The following NPAS3 variants were observed in gnomAD, a reference collection of about 807,000 sequenced individuals.
NPAS3 encodes the protein neuronal PAS domain-containing protein 3.
A neutral mutation model predicts 73.1 loss-of-function variants in NPAS3; 14 were observed. The ratio of observed to expected loss-of-function variants is 0.19; its 90% confidence interval spans 0.13 to 0.30. The LOEUF (loss-of-function observed/expected upper bound fraction) is 0.30, where lower values mean the gene tolerates loss of function less well. Among genes scored for constraint, NPAS3 ranks in the 10% least tolerant of loss-of-function variants. The probability of loss-of-function intolerance (pLI) is 1.00; values close to 1 mark genes in which losing one functional copy is unlikely to be tolerated. For missense variants in NPAS3, 1,096 were observed against 1,250.0 expected (o/e 0.88, Z 1.86); for synonymous variants, 620 against 541.5 (o/e 1.14, Z -2.01).
At chr14:32,981,665 C>T (rs2037901021) in intron 1 of NPAS3, among the ~76,000 whole-genome samples, 2 of 151,952 alleles carry the variant, frequency 1.3e-5, no homozygotes, top group African/African-American at 2.4e-5. Flanking sequence ...TTTGTCAAGC[C>T]GAAAAAGATT....
At chr14:33,126,562 C>T (rs1719217412) in intron 2 of NPAS3, among the ~76,000 whole-genome samples, 1 of 152,032 alleles carries the variant, frequency 6.6e-6, no homozygotes. Context: ...AAGGATTTCC[C>T]AGAGCAAGAG....
At chr14:33,550,705 C>A (rs2055070713) in intron 4 of NPAS3, among the ~76,000 whole-genome samples, 1 of 152,200 alleles carries the variant, frequency 6.6e-6, no homozygotes, top group Non-Finnish European at 1.5e-5. Context: ...ATCCACAGAT[C>A]ATTCAGGACC....
chr14:32,938,525 A>AGAGAGAGAGAGAGAGAGAGAGAGAGAGG (rs1566779564), upstream of NPAS3, among the ~76,000 whole-genome samples: 1 of 66,244 alleles, frequency 1.5e-5, no homozygotes, highest in African/African-American at 5.5e-5. Context: ...GAGAGAGAGA[A>AGAGAGAGAGAGAGAGAGAGAGAGAGAGG]GGGGGGGGAG....
At chr14:33,201,375 C>T (rs952455508) in intron 2 of NPAS3, among the ~76,000 whole-genome samples, 1 of 151,846 alleles carries the variant, frequency 6.6e-6, no homozygotes, top group Non-Finnish European at 1.5e-5. Context: ...TGCCCCATTG[C>T]CCCTGGTGGC....
intron 3 of NPAS3, among the ~76,000 whole-genome samples, chr14:33,284,619 G>C (rs746153159): frequency 1.6e-4 from 25 of 152,156 alleles, no homozygotes; most frequent in Non-Finnish European, 3.2e-4. Flanking sequence ...CCTTCAAAAT[G>C]ATTTTTTTTC....
chr14:33,409,343 T>G (rs1200530186), intron 4 of NPAS3, among the ~76,000 whole-genome samples: 2 of 152,182 alleles, frequency 1.3e-5, no homozygotes, highest in Non-Finnish European at 2.9e-5. Flanking sequence ...TGGTGGCCTT[T>G]ATACTGGAAA....
intron 2 of NPAS3, among the ~76,000 whole-genome samples, chr14:33,149,866 A>G (rs1324114116): frequency 1.3e-5 from 2 of 152,146 alleles, no homozygotes; most frequent in Non-Finnish European, 2.9e-5. Flanking sequence ...TACACATGCC[A>G]TGGTGGTGTG....
At chr14:32,966,148 G>C (rs1042824094) in intron 1 of NPAS3, among the ~76,000 whole-genome samples, 1 of 152,128 alleles carries the variant, frequency 6.6e-6, no homozygotes, top group African/African-American at 2.4e-5. Context: ...CAGAATCAGT[G>C]CAATACCTAT....
chr14:33,736,114 C>T (rs544712002), intron 7 of NPAS3, among the ~76,000 whole-genome samples: 9 of 152,300 alleles, frequency 5.9e-5, no homozygotes, highest in East Asian at 3.9e-4. Flanking sequence ...GGAGGGCAAA[C>T]GGAAATGGCA....
chr14:33,131,473 G>A (rs534681372), intron 2 of NPAS3, among the ~76,000 whole-genome samples: 14 of 80,478 alleles, frequency 1.7e-4, no homozygotes, highest in East Asian at 3.6e-4. Context: ...TTAACAAAAC[G>A]CCCAGCTGAG....
At chr14:32,972,916 A>G (rs968824887) in intron 1 of NPAS3, among the ~76,000 whole-genome samples, 10 of 152,210 alleles carry the variant, frequency 6.6e-5, no homozygotes, top group Admixed American at 5.9e-4. Flanking sequence ...CCGCTACTGT[A>G]CCTGAAATAC....
chr14:33,650,928 T>G (rs1275959069), intron 5 of NPAS3, among the ~76,000 whole-genome samples: 1 of 151,926 alleles, frequency 6.6e-6, no homozygotes, highest in East Asian at 1.9e-4. Flanking sequence ...CCATTGTAGG[T>G]CTGAGGATTC....
intron 4 of NPAS3, 111 bp downstream of exon 4, chr14:33,367,379 G>T: frequency 1.8e-6 from 1 of 549,196 alleles, no homozygotes; most frequent in South Asian, 2.9e-5. Flanking sequence ...TTTGACTGTT[G>T]TGATTTTATC....
chr14:33,383,205 G>C (rs2651168), intron 4 of NPAS3, among the ~76,000 whole-genome samples: 1 of 151,416 alleles, frequency 6.6e-6, no homozygotes, highest in Non-Finnish European at 1.5e-5. Context: ...TTTCCTGTTA[G>C]ATTGTAAGCA....
intron 3 of NPAS3, among the ~76,000 whole-genome samples, chr14:33,317,984 C>T (rs1352327581): frequency 6.6e-6 from 1 of 152,074 alleles, no homozygotes; most frequent in African/African-American, 2.4e-5. Context: ...AGCAACTCCA[C>T]TTCTGGGAAT....
chr14:33,667,037 G>A (rs2059470758), intron 5 of NPAS3, among the ~76,000 whole-genome samples: 1 of 152,052 alleles, frequency 6.6e-6, no homozygotes, highest in East Asian at 1.9e-4. Context: ...CAAGTGAGAA[G>A]AATTTCAATG....
intron 2 of NPAS3, among the ~76,000 whole-genome samples, chr14:33,161,082 A>T (rs1426144460): frequency 6.6e-6 from 1 of 152,222 alleles, no homozygotes. Flanking sequence ...GAACATGTTC[A>T]TGCTCTGGCA....
At chr14:33,693,968 G>A (rs2060303719) in intron 6 of NPAS3, among the ~76,000 whole-genome samples, 1 of 151,970 alleles carries the variant, frequency 6.6e-6, no homozygotes, top group Non-Finnish European at 1.5e-5. Flanking sequence ...GAATTGAGCT[G>A]GGATAATTCA....
At chr14:33,642,805 G>C (rs1018629131) in intron 5 of NPAS3, among the ~76,000 whole-genome samples, 1 of 152,056 alleles carries the variant, frequency 6.6e-6, no homozygotes, top group East Asian at 1.9e-4. Flanking sequence ...CGGTGGTTTT[G>C]GTCTTCTCTC....
Sources: gnomAD v4.1 joint callset for allele counts (sites outside exome capture counted in the v4.1 genomes callset) on GRCh38, gnomAD v4.1.1 for gene constraint, MANE v1.5 for transcripts, NCBI Gene and HGNC (gene_info 2026-07-23, HGNC 2026-07-21) for gene names.